MAGI1: variants seen among roughly 807,000 people sequenced by gnomAD.
The protein encoded by MAGI1 is membrane-associated guanylate kinase, WW and PDZ domain-containing protein 1.
In MAGI1, 58 loss-of-function variants were observed where a neutral mutation model predicts 139.9. The observed-to-expected ratio is 0.41, with a 90% confidence interval of 0.34 to 0.52. MAGI1 has a LOEUF of 0.52. MAGI1 is among the 20% of genes least tolerant of loss of function. The pLI, the probability that MAGI1 is intolerant of heterozygous loss-of-function variation, is 0.12. For synonymous variants in MAGI1, 812 were observed against 737.9 expected, an observed-to-expected ratio of 1.10 and a Z score of -1.63; for missense variants, 1,874 against 1,901.6, an observed-to-expected ratio of 0.99 and a Z score of 0.27.
chr3:65,991,396 A>G (rs1356361630), intron 1 of MAGI1, among the ~76,000 whole-genome samples: 2 of 151,720 alleles, frequency 1.3e-5, no homozygotes, highest in Non-Finnish European at 2.9e-5. Context: ...CTTACATTTG[A>G]CACTTCTGCC....
intron 22 of MAGI1, chr3:65,359,923 A>G: frequency 1.0e-6 from 1 of 985,408 alleles, no homozygotes; most frequent in South Asian, 4.7e-5. Flanking sequence ...AATGTTACAC[A>G]GTTTCAGTGG....
At chr3:65,884,947 C>T (rs762778803) in intron 1 of MAGI1, among the ~76,000 whole-genome samples, 1 of 152,042 alleles carries the variant, frequency 6.6e-6, no homozygotes, top group Non-Finnish European at 1.5e-5. Context: ...ATATTTGTCT[C>T]AAGGAAATAT....
At chr3:65,956,288 C>G (rs2064123114) in intron 1 of MAGI1, among the ~76,000 whole-genome samples, 4 of 152,188 alleles carry the variant, frequency 2.6e-5, no homozygotes, top group Admixed American at 2.0e-4. Context: ...TTCATACCAA[C>G]TCGGTGAGGA....
intron 12 of MAGI1, among the ~76,000 whole-genome samples, chr3:65,427,569 G>C (rs929808697): frequency 6.6e-6 from 1 of 152,160 alleles, no homozygotes; most frequent in African/African-American, 2.4e-5. Context: ...TGAATCAGAG[G>C]TGCACCTGAT....
chr3:65,682,536 C>A (rs1330210890), intron 1 of MAGI1, among the ~76,000 whole-genome samples: 5 of 152,164 alleles, frequency 3.3e-5, no homozygotes, highest in Non-Finnish European at 7.3e-5. Context: ...CATTGACCTG[C>A]CTCTCACACT....
chr3:65,530,586 C>G (rs2078600128), intron 2 of MAGI1, among the ~76,000 whole-genome samples: 2 of 148,810 alleles, frequency 1.3e-5, no homozygotes, highest in Non-Finnish European at 3.0e-5. Context: ...ACGACTCCAG[C>G]CTGGGCAACA....
intron 1 of MAGI1, among the ~76,000 whole-genome samples, chr3:65,859,192 G>A (rs1240625369): frequency 6.6e-6 from 1 of 152,062 alleles, no homozygotes; most frequent in Non-Finnish European, 1.5e-5. Context: ...AACTAGCTGG[G>A]CATGGTGGCG....
intron 1 of MAGI1, among the ~76,000 whole-genome samples, chr3:65,739,942 G>GA (rs1456272226): frequency 6.6e-6 from 1 of 152,056 alleles, no homozygotes. Context: ...CATGCTGTTG[G>GA]AAAAATGGCA....
intron 1 of MAGI1, among the ~76,000 whole-genome samples, chr3:65,877,211 G>T (rs778029144): frequency 1.1e-4 from 17 of 152,154 alleles, no homozygotes; most frequent in Non-Finnish European, 2.1e-4. Flanking sequence ...ATAAACTGCT[G>T]TTGGAGATGC....
intron 1 of MAGI1, among the ~76,000 whole-genome samples, chr3:65,979,423 A>C (rs1171669852): frequency 2.0e-5 from 3 of 151,924 alleles, no homozygotes; most frequent in Non-Finnish European, 4.4e-5. Flanking sequence ...AGCTATTCTT[A>C]CTCTTCAGGG....
intron 15 of MAGI1, among the ~76,000 whole-genome samples, chr3:65,382,842 C>T (rs780241574): frequency 5.9e-5 from 9 of 152,128 alleles, no homozygotes; most frequent in East Asian, 5.8e-4. Context: ...GTGGGTTTGA[C>T]GGATAAATGA....
intron 1 of MAGI1, among the ~76,000 whole-genome samples, chr3:65,808,110 C>T (rs934197588): frequency 2.6e-5 from 4 of 151,924 alleles, no homozygotes; most frequent in African/African-American, 9.7e-5. Flanking sequence ...CTCCGCCTCC[C>T]GAGTAGCTGG....
intron 1 of MAGI1, among the ~76,000 whole-genome samples, chr3:65,955,824 C>G (rs2064098111): frequency 6.6e-6 from 1 of 152,052 alleles, no homozygotes; most frequent in Non-Finnish European, 1.5e-5. Flanking sequence ...AACAACACCA[C>G]TGAGGCCGCC....
chr3:65,712,643 C>T lies in MAGI1; in HGVS notation c.314-90555G>A, dbSNP rs1326184393. Among the ~76,000 whole-genome samples, 3 of 151,936 alleles carry T rather than the reference C, an allele frequency of 2.0e-5. No individual in the cohort carries two copies. In the East Asian group the frequency reaches 5.8e-4, roughly 29 times the overall value. On this transcript the variant is annotated intron_variant, in intron 1 of 22. Coordinates refer to ENST00000402939, the MANE Select transcript of MAGI1 (RefSeq NM_001033057.2). ...TCTCATGCCTCAGTCTCCTGAGTGG[C>T]CGGGACTACAGGCACACACCACCAC...
intron 1 of MAGI1, among the ~76,000 whole-genome samples, chr3:65,860,420 G>T (rs184894953): frequency 1.2e-3 from 188 of 152,300 alleles, no homozygotes; most frequent in African/African-American, 4.4e-3. Flanking sequence ...GCAGACAAGG[G>T]TATTGACAGA....
chr3:65,786,440 G>A (rs2039385685), intron 1 of MAGI1, among the ~76,000 whole-genome samples: 1 of 151,620 alleles, frequency 6.6e-6, no homozygotes, highest in African/African-American at 2.4e-5. Flanking sequence ...CCAAGCAGCT[G>A]GGTCTACAGG....
chr3:65,811,065 T>C (rs2041197833), intron 1 of MAGI1, among the ~76,000 whole-genome samples: 1 of 152,182 alleles, frequency 6.6e-6, no homozygotes, highest in South Asian at 2.1e-4. Context: ...CTCAATCAAG[T>C]ATTGAATGTT....
chr3:65,393,567 T>C (rs961131375), intron 13 of MAGI1, among the ~76,000 whole-genome samples: 1 of 152,192 alleles, frequency 6.6e-6, no homozygotes, highest in Non-Finnish European at 1.5e-5. Context: ...TGTTTTACTT[T>C]TGTTCACCTC....
At chr3:65,763,542 A>C (rs2037211306) in intron 1 of MAGI1, among the ~76,000 whole-genome samples, 1 of 152,100 alleles carries the variant, frequency 6.6e-6, no homozygotes, top group South Asian at 2.1e-4. Flanking sequence ...AACTCATTTA[A>C]TCCTCAAAAC....
Sources: gnomAD v4.1 joint callset for allele counts (sites outside exome capture counted in the v4.1 genomes callset) on GRCh38, gnomAD v4.1.1 for gene constraint, MANE v1.5 for transcripts, NCBI Gene and HGNC (gene_info 2026-07-23, HGNC 2026-07-21) for gene names.